Variants in RANBP2 observed in about 807,000 individuals in gnomAD.
RANBP2 encodes RAN binding protein 2.
In RANBP2, 57 loss-of-function variants were observed where a neutral mutation model predicts 303.6. That is an observed-to-expected ratio of 0.19 (90% confidence interval 0.15 to 0.23). The LOEUF (loss-of-function observed/expected upper bound fraction) is 0.23. Ranked by LOEUF, RANBP2 falls within the 10% of genes least tolerant of loss-of-function variation. The probability of loss-of-function intolerance (pLI) is 1.00; values close to 1 mark genes in which losing one functional copy is unlikely to be tolerated. For missense variants in RANBP2, 3,138 were observed against 3,780.8 expected (o/e 0.83, Z 4.46); for synonymous variants, 1,167 against 1,301.5 (o/e 0.90, Z 2.23).
chr2:108,860,824 T>G, the RANBP2 span, among the ~76,000 whole-genome samples: 1 of 151,766 alleles, frequency 6.6e-6, no homozygotes, highest in African/African-American at 2.4e-5. Flanking sequence ...TTGGAATGAG[T>G]TAGGGAGGAG....
At chr2:109,736,835 A>C in the RANBP2 span, among the ~76,000 whole-genome samples, 2 of 152,146 alleles carry the variant, frequency 1.3e-5, no homozygotes, top group Non-Finnish European at 2.9e-5. Flanking sequence ...AATTTTTAAA[A>C]ATAAAATGGT....
intron 27 of RANBP2, 52 bp downstream of exon 27, chr2:108,782,453 T>A: frequency 6.2e-7 from 1 of 1,613,740 alleles, no homozygotes; most frequent in Non-Finnish European, 8.5e-7. Context: ...TTTTCTAAAA[T>A]CTATAACAAA....
the RANBP2 span, among the ~76,000 whole-genome samples, chr2:109,764,754 A>G: frequency 1.5e-5 from 2 of 130,920 alleles, no homozygotes; most frequent in Admixed American, 8.3e-5. Context: ...TATTGAGAGT[A>G]CAGGGAGACA....
chr2:109,254,515 C>G, the RANBP2 span, among the ~76,000 whole-genome samples: 1 of 152,218 alleles, frequency 6.6e-6, no homozygotes, highest in African/African-American at 2.4e-5. Flanking sequence ...GCCTCTGACA[C>G]TGAGCTGATG....
At chr2:109,002,738 G>T in the RANBP2 span, among the ~76,000 whole-genome samples, 1 of 152,152 alleles carries the variant, frequency 6.6e-6, no homozygotes, top group Non-Finnish European at 1.5e-5. Flanking sequence ...TTGTTTGTTT[G>T]TTTTGGTGGG....
the RANBP2 span, chr2:109,129,609 C>G: frequency 5.4e-6 from 8 of 1,480,980 alleles, no homozygotes; most frequent in South Asian, 2.6e-5. Flanking sequence ...GCGAGGGCGA[C>G]GAGGACAGGC....
At chr2:109,210,111 C>T in the RANBP2 span, among the ~76,000 whole-genome samples, 2 of 152,202 alleles carry the variant, frequency 1.3e-5, no homozygotes, top group African/African-American at 4.8e-5. Context: ...CAGGATTCAT[C>T]GACATAGCCG....
the RANBP2 span, chr2:109,614,917 C>G: frequency 6.8e-7 from 1 of 1,471,452 alleles, no homozygotes; most frequent in Non-Finnish European, 8.9e-7. Flanking sequence ...CCCGCCCCCG[C>G]GCACTGGCCG....
At chr2:109,005,072 C>T in the RANBP2 span, among the ~76,000 whole-genome samples, 1 of 152,210 alleles carries the variant, frequency 6.6e-6, no homozygotes. Flanking sequence ...CCCCTGGCCT[C>T]TTCACTAGTC....
the RANBP2 span, chr2:108,883,945 T>A: frequency 2.9e-5 from 1 of 34,348 alleles, no homozygotes; most frequent in Non-Finnish European, 8.3e-5. Flanking sequence ...TGAGGCAGAG[T>A]CTCTCACAGG....
the RANBP2 span, chr2:108,876,243 C>A: frequency 1.2e-6 from 2 of 1,607,558 alleles, no homozygotes; most frequent in Non-Finnish European, 1.7e-6. Flanking sequence ...GTCTCCAGTG[C>A]AAGCCCTTAG....
chr2:109,358,495 G>A, the RANBP2 span, among the ~76,000 whole-genome samples: 1 of 152,098 alleles, frequency 6.6e-6, no homozygotes, highest in Non-Finnish European at 1.5e-5. Flanking sequence ...AAAGTTGCTG[G>A]GCCATTTTGC....
At chr2:108,757,771 G>T (rs1353848272) in intron 17 of RANBP2, among the ~76,000 whole-genome samples, 2 of 152,144 alleles carry the variant, frequency 1.3e-5, no homozygotes, top group African/African-American at 4.8e-5. Context: ...GTTTTTTTGA[G>T]CAGGGAATTG....
At chr2:109,592,162 T>C in the RANBP2 span, among the ~76,000 whole-genome samples, 19 of 151,866 alleles carry the variant, frequency 1.3e-4, no homozygotes, top group Non-Finnish European at 2.1e-4. Context: ...CATTCTGCAG[T>C]GTGCTCAAAA....
the RANBP2 span, among the ~76,000 whole-genome samples, chr2:109,100,831 C>A: frequency 6.6e-6 from 1 of 152,134 alleles, no homozygotes; most frequent in Non-Finnish European, 1.5e-5. Context: ...AAGGTAAGCA[C>A]AAAGTAAGGC....
chr2:109,474,616 G>A, the RANBP2 span, among the ~76,000 whole-genome samples: 2 of 152,226 alleles, frequency 1.3e-5, no homozygotes, highest in African/African-American at 4.8e-5. Context: ...GGGCAGGGGG[G>A]GAGAACGCAG....
chr2:109,221,923 C>A, the RANBP2 span, among the ~76,000 whole-genome samples: 1 of 151,824 alleles, frequency 6.6e-6, no homozygotes, highest in Non-Finnish European at 1.5e-5. Flanking sequence ...TATTGCAGCA[C>A]TAGTCACAAT....
the RANBP2 span, among the ~76,000 whole-genome samples, chr2:109,381,925 A>G: frequency 6.6e-6 from 1 of 152,006 alleles, no homozygotes; most frequent in African/African-American, 2.4e-5. Flanking sequence ...CACACATCTC[A>G]TGTCACTTTA....
chr2:109,479,841 G>A, the RANBP2 span, among the ~76,000 whole-genome samples: 13 of 152,164 alleles, frequency 8.5e-5, no homozygotes, highest in East Asian at 2.1e-3. Flanking sequence ...TGAAGACCCC[G>A]GGACTCACTG....
Sources: gnomAD v4.1 joint callset for allele counts (sites outside exome capture counted in the v4.1 genomes callset) on GRCh38, gnomAD v4.1.1 for gene constraint, MANE v1.5 for transcripts, NCBI Gene and HGNC (gene_info 2026-07-23, HGNC 2026-07-21) for gene names.